PITPNC1: variants seen among roughly 807,000 people sequenced by gnomAD.
The protein encoded by PITPNC1 is phosphatidylinositol transfer protein cytoplasmic 1.
Under a neutral mutation model 44.7 loss-of-function variants are expected in PITPNC1, and 18 were observed. The ratio of observed to expected loss-of-function variants is 0.40; its 90% confidence interval spans 0.28 to 0.60. The LOEUF (loss-of-function observed/expected upper bound fraction) is 0.60. Ranked by LOEUF, PITPNC1 falls within the 20% of genes least tolerant of loss-of-function variation. PITPNC1 has a pLI of 0.39. For synonymous variants in PITPNC1, 141 were observed against 149.6 expected (o/e 0.94, Z 0.42); for missense variants, 290 against 418.4 (o/e 0.69, Z 2.68).
At chr17:67,591,744 G>C (rs2144257456) in intron 5 of PITPNC1, among the ~76,000 whole-genome samples, 1 of 152,138 alleles carries the variant, frequency 6.6e-6, no homozygotes, top group East Asian at 1.9e-4. Context: ...GGGTCTTGCT[G>C]TGTCACCCAG....
chr17:67,433,850 CT>C (rs2038894602), intron 1 of PITPNC1, among the ~76,000 whole-genome samples: 1 of 152,076 alleles, frequency 6.6e-6, no homozygotes, highest in South Asian at 2.1e-4. Context: ...AGGATCACCC[CT>C]GTGAATAGCC....
chr17:67,601,853 C>T (rs2041544676), intron 5 of PITPNC1, among the ~76,000 whole-genome samples: 1 of 151,978 alleles, frequency 6.6e-6, no homozygotes, highest in East Asian at 1.9e-4. Flanking sequence ...GAAGGAAAAG[C>T]AGGGCAGGCA....
chr17:67,547,052 T>C (rs950926681), intron 2 of PITPNC1, among the ~76,000 whole-genome samples: 1 of 152,216 alleles, frequency 6.6e-6, no homozygotes, highest in Non-Finnish European at 1.5e-5. Context: ...AAAAGGTCAG[T>C]ATATTCCTCC....
chr17:67,675,606 T>C (rs2042587092), intron 8 of PITPNC1, 64 bp downstream of exon 8: 2 of 1,166,996 alleles, frequency 1.7e-6, no homozygotes, highest in Middle Eastern at 1.9e-4. Context: ...TTTCTGTCCA[T>C]TTGGCTTCAA....
chr17:67,499,121 GCC>G (rs1368199761), intron 1 of PITPNC1, among the ~76,000 whole-genome samples: 1 of 152,122 alleles, frequency 6.6e-6, no homozygotes, highest in East Asian at 1.9e-4. Flanking sequence ...TGATCTGCCT[GCC>G]TCAGCCTCTC....
Position 67,377,307 on chromosome 17 carries a change from ACACTGCATCGGCG to A in PITPNC1, c.-846_-834del, listed in dbSNP as rs2037886678. 6.6e-6 allele frequency: 1 copy of A among 152,272 alleles called. No homozygotes were observed. The highest frequency in any genetic ancestry group is 2.4e-5 in the African/African-American group (1 of 41,466). 9.4% of individuals were successfully genotyped at this position (152,272 alleles called of 1,614,324 possible). ...CCGCACCCACCTCCCGGCCCCAGGC[ACACTGCATCGGCG>A]CGGACGCTCCGGCCCCGGCGAGGTG... On this transcript the variant is annotated 5_prime_UTR_variant, in exon 1 of 9. Transcript: ENST00000581322.
chr17:67,385,542 A>C (rs1258568679), intron 1 of PITPNC1, among the ~76,000 whole-genome samples: 1 of 130,812 alleles, frequency 7.6e-6, no homozygotes, highest in Non-Finnish European at 1.6e-5. Context: ...TTTGCTGTTC[A>C]CTCTTTTGCT....
chr17:67,428,458 T>C (rs149361143), intron 1 of PITPNC1, among the ~76,000 whole-genome samples: 1 of 151,716 alleles, frequency 6.6e-6, no homozygotes, highest in African/African-American at 2.4e-5. Flanking sequence ...GAGGATTCCT[T>C]GAGCCCAGGA....
intron 8 of PITPNC1, among the ~76,000 whole-genome samples, chr17:67,691,447 T>G (rs1433579249): frequency 6.6e-6 from 1 of 152,256 alleles, no homozygotes; most frequent in East Asian, 1.9e-4. Flanking sequence ...TGCTTTTTTT[T>G]CTTTTAAATA....
At position 67,412,501 on chromosome 17, in the gene PITPNC1, C is replaced by T. The variant is rs143166984; in HGVS notation, c.48+34299C>T. Among the ~76,000 whole-genome samples, 445 of 152,254 alleles carry T rather than the reference C, an allele frequency of 2.9e-3. 2 individuals are homozygous for T. Among genetic ancestry groups the T allele is most frequent in the African/African-American group, 0.01 (430 of 41,564 alleles). On this transcript the variant is annotated intron_variant, in intron 1 of 8. Coordinates refer to ENST00000581322, the MANE Select transcript of PITPNC1 (RefSeq NM_012417.4). ...TTACCTTAAATAAGCCCTGATTTAA[C>T]CTAAAAGAGAAGAAATCAGAACATG...
At chr17:67,641,846 G>A (rs73997206) in intron 6 of PITPNC1, among the ~76,000 whole-genome samples, 14,296 of 150,842 alleles carry the variant, frequency 0.095, 968 homozygotes, top group African/African-American at 0.18. Flanking sequence ...GTGGTGCCAT[G>A]TGTACATCAT....
intron 1 of PITPNC1, among the ~76,000 whole-genome samples, chr17:67,499,109 A>G (rs1182234284): frequency 6.6e-6 from 1 of 152,066 alleles, no homozygotes; most frequent in Admixed American, 6.6e-5. Context: ...CCTGACCTCC[A>G]GTGATCTGCC....
At chr17:67,389,683 G>GTTGTTT (rs2038108078) in intron 1 of PITPNC1, among the ~76,000 whole-genome samples, 1 of 151,922 alleles carries the variant, frequency 6.6e-6, no homozygotes, top group African/African-American at 2.4e-5. Context: ...TGTTGTTGTT[G>GTTGTTT]TTGTTGTTGT....
At chr17:67,581,802 GGTGGGTGGATACCT>G (rs2041238012) in intron 5 of PITPNC1, among the ~76,000 whole-genome samples, 1 of 152,184 alleles carries the variant, frequency 6.6e-6, no homozygotes, top group African/African-American at 2.4e-5. Flanking sequence ...GGGAGGCTGA[GGTGGGTGGATACCT>G]GAGGTCAGGA....
At chr17:67,554,162 C>A (rs1008693549) in intron 4 of PITPNC1, among the ~76,000 whole-genome samples, 42 of 152,122 alleles carry the variant, frequency 2.8e-4, no homozygotes, top group Middle Eastern at 3.4e-3. Flanking sequence ...AAGACAGAAC[C>A]TATAATATCA....
At chr17:67,629,547 G>C (rs2041939968) in intron 5 of PITPNC1, among the ~76,000 whole-genome samples, 2 of 152,218 alleles carry the variant, frequency 1.3e-5, no homozygotes, top group African/African-American at 4.8e-5. Context: ...GAAGTGCTGG[G>C]CTTACAGGTG....
At chr17:67,506,418 G>A (rs536099925) in intron 1 of PITPNC1, among the ~76,000 whole-genome samples, 2 of 152,240 alleles carry the variant, frequency 1.3e-5, no homozygotes, top group African/African-American at 4.8e-5. Context: ...GTCTTTGGGA[G>A]AAGGAATGGC....
intron 8 of PITPNC1, among the ~76,000 whole-genome samples, chr17:67,677,512 G>A (rs954243712): frequency 6.6e-6 from 1 of 152,096 alleles, no homozygotes. Context: ...CCAGGAAGGC[G>A]ATGGGGCCTG....
intron 8 of PITPNC1, among the ~76,000 whole-genome samples, chr17:67,679,150 G>A (rs2042656739): frequency 6.6e-6 from 1 of 152,230 alleles, no homozygotes; most frequent in African/African-American, 2.4e-5. Context: ...TGGGTTGTAA[G>A]GACCGTTTAA....
Sources: allele counts gnomAD v4.1 joint callset (sites outside exome capture counted in the v4.1 genomes callset), GRCh38; gene constraint gnomAD v4.1.1; transcripts MANE v1.5; gene names NCBI Gene and HGNC (gene_info 2026-07-23, HGNC 2026-07-21).